The following ANXA7 variants were observed in gnomAD, a reference collection of about 807,000 sequenced individuals.
ANXA7 encodes annexin VII.
Under a neutral mutation model 64.9 loss-of-function variants are expected in ANXA7, and 55 were observed. That is an observed-to-expected ratio of 0.85 (90% confidence interval 0.68 to 1.06). ANXA7 has a LOEUF of 1.06. Ranked by LOEUF, ANXA7 falls within the 50% of genes least tolerant of loss-of-function variation. ANXA7 has a pLI of 0.00. For missense variants in ANXA7, 548 were observed against 582.1 expected, an observed-to-expected ratio of 0.94 and a Z score of 0.60; for synonymous variants, 200 against 192.4, an observed-to-expected ratio of 1.04 and a Z score of -0.33.
intron 1 of ANXA7, among the ~76,000 whole-genome samples, chr10:73,402,353 C>T (rs2055679872): frequency 6.6e-6 from 1 of 151,766 alleles, no homozygotes; most frequent in African/African-American, 2.4e-5. Context: ...GTGCGTACCA[C>T]CATGCCTGGT....
intron 4 of ANXA7, 97 bp from the exon 5 acceptor site, chr10:73,396,680 A>C: frequency 1.4e-6 from 1 of 714,630 alleles, no homozygotes; most frequent in Non-Finnish European, 2.3e-6. Flanking sequence ...GGAAACATAC[A>C]AGAACATTCA....
chr10:73,392,229 G>T (rs957870155), intron 5 of ANXA7, among the ~76,000 whole-genome samples: 3 of 152,250 alleles, frequency 2.0e-5, no homozygotes, highest in African/African-American at 7.2e-5. Flanking sequence ...ACCAAAAAAA[G>T]TCCAGGACCA....
intron 1 of ANXA7, among the ~76,000 whole-genome samples, chr10:73,411,024 T>G (rs1419427751): frequency 6.6e-6 from 1 of 152,114 alleles, no homozygotes; most frequent in Non-Finnish European, 1.5e-5. Flanking sequence ...AACTCACAAC[T>G]GCAAAGATGT....
At chr10:73,411,526 C>T (rs1319787356) in intron 1 of ANXA7, among the ~76,000 whole-genome samples, 3 of 152,044 alleles carry the variant, frequency 2.0e-5, no homozygotes, top group African/African-American at 7.3e-5. Context: ...TTGCAACCTC[C>T]ACCTCCCAGG....
At chr10:73,410,640 G>C (rs1307280882) in intron 1 of ANXA7, among the ~76,000 whole-genome samples, 1 of 152,128 alleles carries the variant, frequency 6.6e-6, no homozygotes, top group Non-Finnish European at 1.5e-5. Context: ...AAATTAGCTG[G>C]GCATGGTGGC....
At chr10:73,397,527 G>A (rs1202559928) in intron 3 of ANXA7, among the ~76,000 whole-genome samples, 2 of 152,016 alleles carry the variant, frequency 1.3e-5, no homozygotes, top group African/African-American at 4.8e-5. Context: ...GCACAATCTT[G>A]GCTCACTGCA....
chr10:73,375,917 ATAAAAT>A lies in ANXA7; in HGVS notation c.*172_*177del. On this transcript the variant is annotated 3_prime_UTR_variant, in exon 13 of 13. Coordinates refer to ENST00000372921, the MANE Select transcript of ANXA7 (RefSeq NM_001156.5). ...ACATTGATTGTATGTAGAGAACAAA[ATAAAAT>A]TAGAATTAAGGCAATAACAACATGT... 2.2e-6 allele frequency: 1 copy of A among 448,024 alleles called. No individual in the cohort carries two copies. The highest frequency in any genetic ancestry group is 3.9e-6 in the Non-Finnish European group (1 of 259,618). 27.8% of individuals were successfully genotyped at this position (448,024 alleles called of 1,614,324 possible).
intron 5 of ANXA7, among the ~76,000 whole-genome samples, chr10:73,388,914 G>GA (rs1564525616): frequency 6.6e-6 from 1 of 152,140 alleles, no homozygotes; most frequent in African/African-American, 2.4e-5. Context: ...AAATCTATAT[G>GA]AAAATTAAAA....
chr10:73,397,647 A>G (rs888460105), intron 3 of ANXA7, among the ~76,000 whole-genome samples: 30 of 152,032 alleles, frequency 2.0e-4, no homozygotes, highest in Non-Finnish European at 5.9e-5. Context: ...TAGTAGAGAC[A>G]GGGTTTCACC....
intron 1 of ANXA7, among the ~76,000 whole-genome samples, chr10:73,406,883 T>TTTTTAATACAGACGGTGA (rs2055766101): frequency 6.6e-6 from 1 of 151,886 alleles, no homozygotes; most frequent in Non-Finnish European, 1.5e-5. Flanking sequence ...TATTTATCTA[T>TTTTTAATACAGACGGTGA]TTAACTCATT....
intron 9 of ANXA7, among the ~76,000 whole-genome samples, chr10:73,380,673 C>G (rs1166772293): frequency 6.6e-6 from 1 of 152,070 alleles, no homozygotes; most frequent in Non-Finnish European, 1.5e-5. Context: ...ATACTGTCAA[C>G]TGGATTTTAT....
At chr10:73,406,015 G>A (rs1032538662) in intron 1 of ANXA7, among the ~76,000 whole-genome samples, 1 of 151,906 alleles carries the variant, frequency 6.6e-6, no homozygotes, top group East Asian at 1.9e-4. Flanking sequence ...GAGTGCAGTG[G>A]TGCAATCTCG....
intron 7 of ANXA7, among the ~76,000 whole-genome samples, chr10:73,386,214 T>TAAA (rs377002771): frequency 1.2e-5 from 1 of 83,390 alleles, no homozygotes; most frequent in African/African-American, 4.0e-5. Flanking sequence ...CAAAAAAAAG[T>TAAA]AAAAAAAAAA....
At position 73,396,601 on chromosome 10, in the gene ANXA7, A is replaced by G. The variant is rs370677847; in HGVS notation, c.371-18T>C. On this transcript the variant is annotated intron_variant, in intron 4 of 12. Coordinates refer to ENST00000372921, the MANE Select transcript of ANXA7 (RefSeq NM_001156.5). ...AAAGCCACCTATAATGTTAAAAAAA[A>G]TAATAATAATACGGCAACAGGTCTT... The G allele has an allele frequency of 1.8e-5, 27 of 1,525,244 alleles. No individual in the cohort carries two copies. The African/African-American group carries it at 2.8e-4, about 16-fold the overall frequency. 94.5% of individuals were successfully genotyped at this position (1,525,244 alleles called of 1,614,324 possible).
chr10:73,400,835 G>A lies in ANXA7; in HGVS notation c.22C>T (p.Pro8Ser), dbSNP rs898773360. 1.2e-6 allele frequency: 2 copies of A among 1,604,200 alleles called. No homozygotes were observed. The highest frequency in any genetic ancestry group is 1.1e-5 in the South Asian group (1 of 89,824). MSYPGYPPTGYPPFPGYP... is the reference protein window; with the variant it reads MSYPGYPSTGYPPFPGYP... ...CCAGGGAAAGGTGGGTAGCCTGTTGGGGGATAGCCTGGGTATGACATTCTG... is the reference window on the plus strand; with the variant it reads ...CCAGGGAAAGGTGGGTAGCCTGTTGAGGGATAGCCTGGGTATGACATTCTG... The change falls in exon 2 of 13, where the codon CCA becomes TCA. Residue 8 changes from proline to serine, a missense_variant. Transcript: ENST00000372921.
At chr10:73,413,759 G>A (rs2055880410) in intron 1 of ANXA7, among the ~76,000 whole-genome samples, 3 of 152,162 alleles carry the variant, frequency 2.0e-5, no homozygotes, top group African/African-American at 7.2e-5. Context: ...GGGCGCCACT[G>A]GTCCCTGGGA....
Position 73,375,187 on chromosome 10 carries a change from G to A in ANXA7, c.*908C>T, listed in dbSNP as rs1202857000. Reference sequence around the variant, plus strand: ...CCAGGTGAGAGGTGGGGAAAATGGGGAGATGTTGGTCAAAGGGTATAAACT... The same window carrying A: ...CCAGGTGAGAGGTGGGGAAAATGGGAAGATGTTGGTCAAAGGGTATAAACT... On this transcript the variant is annotated 3_prime_UTR_variant, in exon 13 of 13. Coordinates refer to ENST00000372921, the MANE Select transcript of ANXA7 (RefSeq NM_001156.5). 6.6e-6 allele frequency: 1 copy of A among 152,222 alleles called. No homozygotes were observed. Among genetic ancestry groups the A allele is most frequent in the African/African-American group, 2.4e-5 (1 of 41,456 alleles). The allele number at this position is 152,222 out of a possible 1,614,324, so 9.4% of individuals were successfully genotyped here. A position where few individuals can be genotyped will look rare whatever the true frequency, so the allele number is the denominator to read the frequency against.
intron 12 of ANXA7, among the ~76,000 whole-genome samples, chr10:73,378,377 CAAAAAAAAA>C (rs755093944): frequency 3.2e-5 from 2 of 63,146 alleles, no homozygotes; most frequent in African/African-American, 4.7e-5. Context: ...GACCATGTCT[CAAAAAAAAA>C]AAAAAAAAAA....
At chr10:73,390,693 A>T (rs1332969621) in intron 5 of ANXA7, among the ~76,000 whole-genome samples, 1 of 127,474 alleles carries the variant, frequency 7.8e-6, no homozygotes, top group Non-Finnish European at 1.6e-5. Flanking sequence ...TCTTTTGTAA[A>T]ATATATATAT....
Sources: gnomAD v4.1 joint callset for allele counts (sites outside exome capture counted in the v4.1 genomes callset) on GRCh38, gnomAD v4.1.1 for gene constraint, MANE v1.5 for transcripts, NCBI Gene and HGNC (gene_info 2026-07-23, HGNC 2026-07-21) for gene names.